The following GPAM variants were observed in gnomAD, a reference collection of about 807,000 sequenced individuals.
The protein encoded by GPAM is glycerol-3-phosphate acyltransferase 1, mitochondrial.
A neutral mutation model predicts 105.0 loss-of-function variants in GPAM; 56 were observed. The ratio of observed to expected loss-of-function variants is 0.53; its 90% CI spans 0.43 to 0.67. The LOEUF (loss-of-function observed/expected upper bound fraction) is 0.67. Ranked by LOEUF, GPAM falls within the 30% of genes least tolerant of loss-of-function variation. The pLI is 0.00. For synonymous variants in GPAM, 368 were observed against 354.4 expected (o/e 1.04, Z -0.43); for missense variants, 855 against 989.8 (o/e 0.86, Z 1.83).
intron 1 of GPAM, among the ~76,000 whole-genome samples, chr10:112,211,339 A>G (rs1164208321): frequency 1.3e-5 from 2 of 152,182 alleles, no homozygotes; most frequent in Admixed American, 1.3e-4. Flanking sequence ...AAATAACAAA[A>G]TGCTAGAGGT....
In GPAM at chr10:112,151,641, CTT is replaced by C. The variant is rs911615302; in HGVS notation, c.*1907_*1908del. On this transcript the variant is annotated 3_prime_UTR_variant, in exon 22 of 22. Coordinates refer to ENST00000348367, the MANE Select transcript of GPAM (RefSeq NM_001244949.2). Reference sequence around the variant, plus strand: ...TGCTTAGGTTGGCAAAGCAGCAGCTCTTTGCAGCAATGACAGGCAGGGCAGAG... The same window carrying C: ...TGCTTAGGTTGGCAAAGCAGCAGCTCTGCAGCAATGACAGGCAGGGCAGAG... The C allele has an allele frequency of 3.3e-5, 33 of 985,354 alleles. No individual in the cohort carries two copies. In the African/African-American group the frequency reaches 5.6e-4, roughly 17 times the overall value. The allele number at this position is 985,354 out of a possible 1,614,324, so 61.0% of individuals were successfully genotyped here. A position where few individuals can be genotyped will look rare whatever the true frequency, so the allele number is the denominator to read the frequency against.
intron 12 of GPAM, 98 bp from the exon 13 acceptor site, chr10:112,164,708 G>A (rs565340005): frequency 4.9e-5 from 37 of 752,034 alleles, no homozygotes; most frequent in Non-Finnish European, 8.3e-5. Context: ...AGTTGTTTAT[G>A]AAATAAGCCA....
At chr10:112,217,982 A>C (rs1847987652), upstream of GPAM, among the ~76,000 whole-genome samples, 1 of 152,276 alleles carries the variant, frequency 6.6e-6, no homozygotes, top group Non-Finnish European at 1.5e-5. Context: ...TGAGGTCAAC[A>C]AATAGCTGTT....
chr10:112,221,602 T>C, the GPAM span, among the ~76,000 whole-genome samples: 1 of 152,202 alleles, frequency 6.6e-6, no homozygotes, highest in Non-Finnish European at 1.5e-5. Context: ...AAGTGTGTCC[T>C]GAAAGCTCTG....
rs757144672 is a variant in GPAM, at chr10:112,160,628, C to G, written c.1735G>C (p.Val579Leu). 4 of 1,613,418 alleles carry G rather than the reference C, an allele frequency of 2.5e-6. No homozygotes were observed. In the East Asian group the frequency reaches 8.9e-5, roughly 36 times the overall value. ...LNFYSNGVLHVFIMEAIIACS... is the reference protein window; with the variant it reads ...LNFYSNGVLHLFIMEAIIACS... ...CCTATGATGGCCTCCATGATAAAGA[C>G]ATGAAGTACCCCATTGCTGTAGAAG... Residue 579 changes from valine to leucine, a missense_variant, in exon 16 of 22, where the codon GTC becomes CTC. By Grantham distance (32) the Val-to-Leu change is conservative. Transcript: ENST00000348367.
rs1382705024 is a variant in GPAM at position 112,179,316 on chromosome 10, C to T, written c.225+1157G>A. On this transcript the variant is annotated intron_variant, in intron 4 of 21. Coordinates refer to ENST00000348367, the MANE Select transcript of GPAM (RefSeq NM_001244949.2). ...TTTCCTATACCCTCTGACTTAAGAA[C>T]ACATTGTAGTTATTGTTTTAAGTAT... 2.0e-5 allele frequency among the ~76,000 whole-genome samples: 3 copies of T among 152,110 alleles called. No homozygotes were observed. In the East Asian group the frequency reaches 5.8e-4, roughly 29 times the overall value.
rs906956619 is a variant in GPAM at position 112,150,214 on chromosome 10, G to A, written c.*3336C>T. The A allele has an allele frequency of 2.0e-6, 2 of 984,678 alleles. No homozygotes were observed. Among genetic ancestry groups the A allele is most frequent in the African/African-American group, 3.5e-5 (2 of 57,216 alleles). 61.0% of individuals were successfully genotyped at this position (984,678 alleles called of 1,614,324 possible). A position where few individuals can be genotyped will look rare whatever the true frequency, so the allele number is the denominator to read the frequency against. On this transcript the variant is annotated 3_prime_UTR_variant, in exon 22 of 22. Transcript: ENST00000348367. ...AAAACAGGTTTACAGCCCATAGTAA[G>A]TCTTAGAAACCTCAACGATAGGTCC...
intron 11 of GPAM, among the ~76,000 whole-genome samples, chr10:112,167,953 A>G (rs1265032069): frequency 6.6e-6 from 1 of 152,232 alleles, no homozygotes; most frequent in Non-Finnish European, 1.5e-5. Context: ...CCAATTTAAA[A>G]TATGCACATA....
In GPAM at chr10:112,160,397, G is replaced by A. The variant is rs551704781; in HGVS notation, c.1759+207C>T. The A allele has an allele frequency of 5.3e-5, 50 of 951,696 alleles. 1 individual carries two copies. The African/African-American group carries it at 7.6e-4, about 14-fold the overall frequency. 59.0% of individuals were successfully genotyped at this position (951,696 alleles called of 1,614,324 possible). A position where few individuals can be genotyped will look rare whatever the true frequency, so the allele number is the denominator to read the frequency against. ...CACTCTACCTCTCCTGAAAAATAAG[G>A]GTAATGCTATACAAACGGTAATTCA... On this transcript the variant is annotated intron_variant, in intron 16 of 21. Transcript: ENST00000348367.
chr10:112,196,207 T>C (rs1847722206), intron 1 of GPAM, among the ~76,000 whole-genome samples: 1 of 152,200 alleles, frequency 6.6e-6, no homozygotes, highest in South Asian at 2.1e-4. Flanking sequence ...TCAGAATCAG[T>C]CTTTGTCAAT....
At chr10:112,210,025 C>T (rs565927214) in intron 1 of GPAM, among the ~76,000 whole-genome samples, 51 of 152,242 alleles carry the variant, frequency 3.3e-4, no homozygotes, top group South Asian at 1.0e-3. Flanking sequence ...GCCCAGGAGC[C>T]GTGATGCAAT....
rs374693262 is a variant in GPAM at position 112,158,464 on chromosome 10, G to C, written c.1903-71C>G. 41 of 970,084 alleles carry C rather than the reference G, an allele frequency of 4.2e-5. No homozygotes were observed. The African/African-American group carries it at 5.0e-4, about 12-fold the overall frequency. The allele number at this position is 970,084 out of a possible 1,614,324, so 60.1% of individuals were successfully genotyped here. On this transcript the variant is annotated intron_variant, in intron 17 of 21. Coordinates refer to ENST00000348367, the MANE Select transcript of GPAM (RefSeq NM_001244949.2). ...TCTTTTTTTAAACGCAGAAAACATG[G>C]TACAAGGTAGCTGCCAAAGCCTTCC...
At chr10:112,178,159 CAG>C (rs1312472183) in intron 4 of GPAM, 102 bp from the exon 5 acceptor site, 1 of 679,966 alleles carries the variant, frequency 1.5e-6, no homozygotes, top group African/African-American at 1.8e-5. Context: ...AGCATAAAAA[CAG>C]ATATTGCCTC....
At chr10:112,178,739 C>T (rs1319144906) in intron 4 of GPAM, among the ~76,000 whole-genome samples, 1 of 152,164 alleles carries the variant, frequency 6.6e-6, no homozygotes, top group Non-Finnish European at 1.5e-5. Flanking sequence ...TTGTTGCTTA[C>T]TAAATCTCCC....
At position 112,173,782 on chromosome 10, in the gene GPAM, T is replaced by C; in HGVS notation, c.477A>G (p.Gln159=). ...TTTTCACTTTGTTAACGGCTTTTGATTGCTGCTGGGCAGAACCATCAGGGT... is the reference window on the plus strand; with the variant it reads ...TTTTCACTTTGTTAACGGCTTTTGACTGCTGCTGGGCAGAACCATCAGGGT... ...ELNPDGSAQQ[Q]SKAVNKVKKK... is the part of the protein sequence containing the mutation. The change falls in exon 7 of 22, where the codon CAA becomes CAG. Residue 159 remains glutamine, a synonymous_variant. Transcript: ENST00000348367. The C allele has an allele frequency of 1.2e-6, 2 of 1,613,596 alleles. No homozygotes were observed. The highest frequency in any genetic ancestry group is 1.7e-6 in the Non-Finnish European group (2 of 1,179,502).
At chr10:112,200,574 G>A (rs1426704199) in intron 1 of GPAM, among the ~76,000 whole-genome samples, 1 of 152,092 alleles carries the variant, frequency 6.6e-6, no homozygotes, top group Non-Finnish European at 1.5e-5. Flanking sequence ...TTACAGGCAT[G>A]AACAACCATG....
At chr10:112,173,192 G>A (rs549828710) in intron 7 of GPAM, 126 bp from the exon 8 acceptor site, 126 of 707,838 alleles carry the variant, frequency 1.8e-4, no homozygotes, top group Non-Finnish European at 2.8e-4. Flanking sequence ...ACTTGTAAAT[G>A]ACTTAGTGTG....
At chr10:112,199,449 A>C (rs765062308) in intron 1 of GPAM, among the ~76,000 whole-genome samples, 1 of 152,270 alleles carries the variant, frequency 6.6e-6, no homozygotes, top group Middle Eastern at 3.4e-3. Context: ...CGTTAGGAGG[A>C]GTAAGTTCCT....
intron 1 of GPAM, among the ~76,000 whole-genome samples, chr10:112,194,732 G>A (rs1432919906): frequency 6.6e-6 from 1 of 152,106 alleles, no homozygotes; most frequent in South Asian, 2.1e-4. Context: ...TGGGTGTAAA[G>A]AGCCAGGCAG....
Sources: gnomAD v4.1 joint callset for allele counts (sites outside exome capture counted in the v4.1 genomes callset) on GRCh38, gnomAD v4.1.1 for gene constraint, MANE v1.5 for transcripts, NCBI Gene and HGNC (gene_info 2026-07-23, HGNC 2026-07-21) for gene names.